YAP1: variants seen among roughly 807,000 people sequenced by gnomAD.
The protein encoded by YAP1 is transcriptional coactivator YAP1.
Under a neutral mutation model 56.9 loss-of-function variants are expected in YAP1, and 5 were observed. That is an observed-to-expected ratio of 0.09 (90% CI 0.05 to 0.18). YAP1 has a LOEUF of 0.18. Ranked by LOEUF, YAP1 falls within the 10% of genes least tolerant of loss-of-function variation. The probability of loss-of-function intolerance (pLI) is 1.00; values close to 1 mark genes in which losing one functional copy is unlikely to be tolerated. For missense variants in YAP1, 539 were observed against 651.8 expected, an observed-to-expected ratio of 0.83 and a Z score of 1.88; for synonymous variants, 265 against 248.1, an observed-to-expected ratio of 1.07 and a Z score of -0.64.
chr11:102,135,867 G>A (rs908243516), intron 2 of YAP1, among the ~76,000 whole-genome samples: 10 of 152,148 alleles, frequency 6.6e-5, no homozygotes, highest in African/African-American at 2.2e-4. Flanking sequence ...TGTGGGACTC[G>A]TGAATGTTAG....
intron 3 of YAP1, among the ~76,000 whole-genome samples, chr11:102,182,367 C>A (rs990789239): frequency 6.6e-6 from 1 of 152,014 alleles, no homozygotes; most frequent in Non-Finnish European, 1.5e-5. Flanking sequence ...TGTGGTAATC[C>A]TACATTTCCC....
At chr11:102,118,430 C>T (rs865942112) in intron 2 of YAP1, among the ~76,000 whole-genome samples, 1 of 150,456 alleles carries the variant, frequency 6.6e-6, no homozygotes, top group South Asian at 2.1e-4. Context: ...TGTGATTGAT[C>T]GCTATACATA....
Position 102,186,109 on chromosome 11 carries a change from C to G in YAP1, c.780C>G (p.Asp260Glu), listed in dbSNP as rs534630690. The G allele has an allele frequency of 1.2e-6, 2 of 1,612,520 alleles. No homozygotes were observed. The highest frequency in any genetic ancestry group is 2.7e-5 in the African/African-American group (2 of 74,852). Residue 260 changes from aspartate (D) to glutamate (E), a missense_variant, in exon 4 of 9, where the codon GAC (aspartate) becomes GAG (glutamate). Coordinates refer to ENST00000282441, the MANE Select transcript of YAP1 (RefSeq NM_001130145.3). ...NHKNKTTSWL[D>E]PRLDPRFAMN... The stretch of plus-strand genomic sequence containing the variant: ...AGAACAAGACCACCTCTTGGCTAGA[C>G]CCAAGGCTTGACCCTCGTTTTGGTA...
rs1402175934 is a variant in YAP1 at position 102,180,179 on chromosome 11, T to C, written c.689-5839T>C. On this transcript the variant is annotated intron_variant, in intron 3 of 8. Coordinates refer to ENST00000282441, the MANE Select transcript of YAP1 (RefSeq NM_001130145.3). ...TGTGCGCCACCACACCCGGCTAATTTTGTAGTTTTAGTAGAGATGGGGTTT... is the reference window on the plus strand; with the variant it reads ...TGTGCGCCACCACACCCGGCTAATTCTGTAGTTTTAGTAGAGATGGGGTTT... Among the ~76,000 whole-genome samples, 9 of 151,854 alleles carry C rather than the reference T, an allele frequency of 5.9e-5. No homozygotes were observed. The East Asian group carries it at 1.6e-3, about 26-fold the overall frequency.
intron 2 of YAP1, among the ~76,000 whole-genome samples, chr11:102,148,303 A>G (rs1945434330): frequency 6.6e-6 from 1 of 152,196 alleles, no homozygotes; most frequent in Non-Finnish European, 1.5e-5. Flanking sequence ...GGGGGAGCCT[A>G]AGAAGATCAT....
intron 2 of YAP1, among the ~76,000 whole-genome samples, chr11:102,131,635 T>G (rs1237777960): frequency 6.6e-6 from 1 of 152,216 alleles, no homozygotes; most frequent in African/African-American, 2.4e-5. Flanking sequence ...CTGTAGTTTC[T>G]GCATAATTAT....
At chr11:102,182,244 A>G (rs764765728) in intron 3 of YAP1, among the ~76,000 whole-genome samples, 13 of 152,350 alleles carry the variant, frequency 8.5e-5, no homozygotes, top group Non-Finnish European at 1.6e-4. Flanking sequence ...CAAACCTTCC[A>G]GGTGATTCTG....
At chr11:102,202,813 C>T (rs1948942093) in intron 4 of YAP1, among the ~76,000 whole-genome samples, 1 of 152,130 alleles carries the variant, frequency 6.6e-6, no homozygotes, top group Non-Finnish European at 1.5e-5. Context: ...ACCACTGATT[C>T]ATCCTTATCA....
At chr11:102,162,653 G>GT (rs1946360775) in intron 3 of YAP1, 82 bp downstream of exon 3, 10 of 1,331,552 alleles carry the variant, frequency 7.5e-6, no homozygotes, top group Non-Finnish European at 9.7e-6. Context: ...GTCATTACTC[G>GT]TTTACAGAAA....
chr11:102,176,953 A>G (rs1947298572), intron 3 of YAP1, among the ~76,000 whole-genome samples: 1 of 152,064 alleles, frequency 6.6e-6, no homozygotes, highest in Non-Finnish European at 1.5e-5. Flanking sequence ...TGATAGAATC[A>G]TCTTACCAGA....
intron 1 of YAP1, among the ~76,000 whole-genome samples, chr11:102,111,823 C>T (rs915626398): frequency 6.6e-6 from 1 of 152,100 alleles, no homozygotes; most frequent in Non-Finnish European, 1.5e-5. Flanking sequence ...TCCTTCCCCC[C>T]TCCCGTTTCC....
chr11:102,232,023 A>C lies in YAP1; in HGVS notation c.*2083A>C, dbSNP rs1950450362. On this transcript the variant is annotated 3_prime_UTR_variant, in exon 9 of 9. Coordinates refer to ENST00000282441, the MANE Select transcript of YAP1 (RefSeq NM_001130145.3). ...CTAAGGCTTTTATTAAGAAAACAGC[A>C]GAAAGATTAAATCTTGAATTAAGTC... 6.6e-6 allele frequency: 1 copy of C among 152,640 alleles called. No homozygotes were observed. The highest frequency in any genetic ancestry group is 2.4e-5 in the African/African-American group (1 of 41,450). 9.5% of individuals were successfully genotyped at this position (152,640 alleles called of 1,614,324 possible).
chr11:102,179,317 C>T (rs1051599173), intron 3 of YAP1, among the ~76,000 whole-genome samples: 30 of 152,026 alleles, frequency 2.0e-4, no homozygotes, highest in Admixed American at 1.0e-3. Context: ...GCCCAGCTTT[C>T]GAGTGTGTAA....
At chr11:102,164,177 G>A (rs1946461552) in intron 3 of YAP1, among the ~76,000 whole-genome samples, 1 of 151,916 alleles carries the variant, frequency 6.6e-6, no homozygotes, top group African/African-American at 2.4e-5. Flanking sequence ...TGGTACTACA[G>A]GCGCCTGCCT....
intron 3 of YAP1, among the ~76,000 whole-genome samples, chr11:102,163,994 C>A (rs1330395536): frequency 6.6e-6 from 1 of 151,876 alleles, no homozygotes; most frequent in Non-Finnish European, 1.5e-5. Context: ...ACTACGAATA[C>A]ATTCTCAGAA....
intron 6 of YAP1, among the ~76,000 whole-genome samples, chr11:102,214,692 A>G (rs1379350095): frequency 6.6e-6 from 1 of 152,178 alleles, no homozygotes; most frequent in Non-Finnish European, 1.5e-5. Context: ...GGGTACATTG[A>G]AAACTTTATA....
At chr11:102,207,891 A>C (rs1949202475) in intron 5 of YAP1, among the ~76,000 whole-genome samples, 1 of 152,184 alleles carries the variant, frequency 6.6e-6, no homozygotes, top group African/African-American at 2.4e-5. Flanking sequence ...ACTCCAAAAT[A>C]TGGTTCTTTG....
chr11:102,172,831 G>T (rs1946995501), intron 3 of YAP1, among the ~76,000 whole-genome samples: 1 of 152,138 alleles, frequency 6.6e-6, no homozygotes, highest in African/African-American at 2.4e-5. Context: ...GCAGAGATCT[G>T]AATGAACTGA....
At chr11:102,159,230 T>C (rs1207883654) in intron 2 of YAP1, among the ~76,000 whole-genome samples, 1 of 152,162 alleles carries the variant, frequency 6.6e-6, no homozygotes, top group Non-Finnish European at 1.5e-5. Context: ...ATTGACAGGT[T>C]GTGGTGCCGC....
Sources: allele counts gnomAD v4.1 joint callset (sites outside exome capture counted in the v4.1 genomes callset), GRCh38; gene constraint gnomAD v4.1.1; transcripts MANE v1.5; gene names NCBI Gene and HGNC (gene_info 2026-07-23, HGNC 2026-07-21).